The following TMPRSS15 variants were observed in gnomAD, a reference collection of about 807,000 sequenced individuals.
The protein encoded by TMPRSS15 is enteropeptidase.
In TMPRSS15, 128 loss-of-function variants were observed where a neutral mutation model predicts 125.3. That is an observed-to-expected ratio of 1.02 (90% CI 0.89 to 1.18). The LOEUF is 1.18. Ranked by LOEUF, TMPRSS15 falls within the 50% of genes most tolerant of loss-of-function variation. The pLI, the probability that TMPRSS15 is intolerant of heterozygous loss-of-function variation, is 0.00. For missense variants in TMPRSS15, 1,283 were observed against 1,212.7 expected (o/e 1.06, Z -0.86); for synonymous variants, 446 against 423.2 (o/e 1.05, Z -0.66).
At position 18,279,426 on chromosome 21, in the gene TMPRSS15, C is replaced by T. The variant is rs534968240; in HGVS notation, c.2669-367G>A. Among the ~76,000 whole-genome samples the T allele has an allele frequency of 7.4e-4, 107 of 145,332 alleles. 1 individual carries two copies. The highest frequency in any genetic ancestry group is 3.6e-3 in the Middle Eastern group (1 of 278). ...CTGCAAGCTCCACCTCCCAGGTTCA[C>T]GCCATTCTCCTGCCTCAGCTTCCCG... On this transcript the variant is annotated intron_variant, in intron 22 of 24. Transcript: ENST00000284885.
At chr21:18,283,332 C>G (rs1209765044) in intron 21 of TMPRSS15, among the ~76,000 whole-genome samples, 1 of 147,422 alleles carries the variant, frequency 6.8e-6, no homozygotes, top group Non-Finnish European at 1.5e-5. Flanking sequence ...TGACAGGTAA[C>G]AAGTAGTTAC....
At chr21:18,443,410 G>A (rs557660100) in intron 1 of TMPRSS15, among the ~76,000 whole-genome samples, 14 of 152,288 alleles carry the variant, frequency 9.2e-5, no homozygotes, top group Admixed American at 8.5e-4. Context: ...AACTGAATGA[G>A]TGACAGCCCC....
chr21:18,411,186 A>G (rs893384006), intron 1 of TMPRSS15, among the ~76,000 whole-genome samples: 2 of 152,196 alleles, frequency 1.3e-5, no homozygotes, highest in African/African-American at 4.8e-5. Flanking sequence ...ATGCTAGAAT[A>G]TTCTTTTTGA....
At chr21:18,469,665 T>G (rs1214758824) in intron 1 of TMPRSS15, among the ~76,000 whole-genome samples, 1 of 152,030 alleles carries the variant, frequency 6.6e-6, no homozygotes, top group Non-Finnish European at 1.5e-5. Context: ...TAGATTTTAG[T>G]GGGGAGTTAA....
intron 1 of TMPRSS15, among the ~76,000 whole-genome samples, chr21:18,410,996 A>G (rs564212574): frequency 6.6e-6 from 1 of 152,272 alleles, no homozygotes; most frequent in Non-Finnish European, 1.5e-5. Context: ...AAATACTACC[A>G]AATCTAGTAT....
chr21:18,465,818 T>C (rs532151681), intron 1 of TMPRSS15, among the ~76,000 whole-genome samples: 1 of 152,276 alleles, frequency 6.6e-6, no homozygotes, highest in Admixed American at 6.5e-5. Flanking sequence ...ATCAATATGG[T>C]GAAAATGGCC....
At chr21:18,482,574 T>C (rs1979002437) in intron 1 of TMPRSS15, among the ~76,000 whole-genome samples, 1 of 151,650 alleles carries the variant, frequency 6.6e-6, no homozygotes, top group Non-Finnish European at 1.5e-5. Context: ...TATGTACCAA[T>C]AAAATTAGTT....
chr21:18,464,148 G>T (rs1409492210), intron 1 of TMPRSS15, among the ~76,000 whole-genome samples: 1 of 144,942 alleles, frequency 6.9e-6, no homozygotes, highest in African/African-American at 2.7e-5. Flanking sequence ...ACTCCAGCCT[G>T]GGTGACAGAG....
chr21:18,317,355 C>A (rs2075177915), intron 16 of TMPRSS15, among the ~76,000 whole-genome samples: 1 of 150,794 alleles, frequency 6.6e-6, no homozygotes, highest in South Asian at 2.1e-4. Flanking sequence ...CTATCAATAT[C>A]CATCATCTAT....
At chr21:18,472,966 G>A (rs888211990) in intron 1 of TMPRSS15, among the ~76,000 whole-genome samples, 2 of 152,160 alleles carry the variant, frequency 1.3e-5, no homozygotes, top group African/African-American at 4.8e-5. Context: ...ACTACAAGAT[G>A]GATGTTATTG....
At chr21:18,326,330 G>A (rs1326435539) in intron 16 of TMPRSS15, 102 bp downstream of exon 16, 6 of 1,441,518 alleles carry the variant, frequency 4.2e-6, no homozygotes, top group Non-Finnish European at 4.9e-6. Context: ...AAGTGTCACA[G>A]AAGGAAAGCA....
At chr21:18,296,517 A>G (rs1046621160) in intron 19 of TMPRSS15, among the ~76,000 whole-genome samples, 1 of 152,240 alleles carries the variant, frequency 6.6e-6, no homozygotes, top group African/African-American at 2.4e-5. Context: ...CACATACATT[A>G]TAATAGTGAC....
intron 13 of TMPRSS15, among the ~76,000 whole-genome samples, chr21:18,334,900 T>G (rs1262131215): frequency 6.6e-6 from 1 of 152,118 alleles, no homozygotes; most frequent in African/African-American, 2.4e-5. Context: ...GGGCAGTGGA[T>G]GAAAGCACTG....
chr21:18,409,627 G>C (rs1057340684), intron 1 of TMPRSS15, among the ~76,000 whole-genome samples: 1 of 151,908 alleles, frequency 6.6e-6, no homozygotes, highest in African/African-American at 2.4e-5. Flanking sequence ...CTGTTGCTTT[G>C]TTGTAATTGA....
At chr21:18,302,837 A>G (rs371530176) in intron 18 of TMPRSS15, among the ~76,000 whole-genome samples, 32 of 152,188 alleles carry the variant, frequency 2.1e-4, no homozygotes, top group East Asian at 9.6e-4. Flanking sequence ...CATGGGCAAC[A>G]TCTTGGAAAC....
At chr21:18,362,388 A>G (rs556897269) in intron 7 of TMPRSS15, among the ~76,000 whole-genome samples, 53 of 152,262 alleles carry the variant, frequency 3.5e-4, no homozygotes, top group African/African-American at 1.3e-3. Context: ...TGTCAATCTA[A>G]GGAACGCAAG....
intron 1 of TMPRSS15, among the ~76,000 whole-genome samples, chr21:18,411,501 T>C (rs2076165913): frequency 6.6e-6 from 1 of 152,194 alleles, no homozygotes; most frequent in South Asian, 2.1e-4. Context: ...TTTTTTTCCC[T>C]GAGATTTGTT....
At chr21:18,461,236 T>A (rs2122952396) in intron 1 of TMPRSS15, among the ~76,000 whole-genome samples, 1 of 152,172 alleles carries the variant, frequency 6.6e-6, no homozygotes, top group Non-Finnish European at 1.5e-5. Flanking sequence ...AACTCCTCTT[T>A]CGTACACTTC....
chr21:18,376,990 C>T (rs187641695), intron 5 of TMPRSS15, among the ~76,000 whole-genome samples: 2 of 152,210 alleles, frequency 1.3e-5, no homozygotes, highest in Admixed American at 1.3e-4. Context: ...AACTTAACAT[C>T]CCTGAAAGGC....
Sources: gnomAD v4.1 joint callset for allele counts (sites outside exome capture counted in the v4.1 genomes callset) on GRCh38, gnomAD v4.1.1 for gene constraint, MANE v1.5 for transcripts, NCBI Gene and HGNC (gene_info 2026-07-23, HGNC 2026-07-21) for gene names.